GRIK1: variants seen among roughly 807,000 people sequenced by gnomAD.
GRIK1 encodes glutamate receptor ionotropic, kainate 1.
Under a neutral mutation model 105.7 loss-of-function variants are expected in GRIK1, and 69 were observed. The ratio of observed to expected loss-of-function variants is 0.65; its 90% CI spans 0.54 to 0.80. The LOEUF is 0.80. Among genes scored for constraint, GRIK1 ranks in the 30% least tolerant of loss-of-function variants. The pLI, the probability that GRIK1 is intolerant of heterozygous loss-of-function variation, is 0.00. For synonymous variants in GRIK1, 438 were observed against 431.3 expected, an observed-to-expected ratio of 1.02 and a Z score of -0.19; for missense variants, 1,109 against 1,167.3, an observed-to-expected ratio of 0.95 and a Z score of 0.73.
At chr21:29,707,643 T>A (rs946335843) in intron 1 of GRIK1, among the ~76,000 whole-genome samples, 7 of 151,668 alleles carry the variant, frequency 4.6e-5, no homozygotes, top group Non-Finnish European at 7.4e-5. Context: ...CTACAGGCGT[T>A]CGCCACCACA....
At chr21:29,588,125 C>T (rs1226738287) in intron 11 of GRIK1, among the ~76,000 whole-genome samples, 4 of 151,676 alleles carry the variant, frequency 2.6e-5, no homozygotes, top group Admixed American at 6.6e-5. Flanking sequence ...CAGGCGCCCA[C>T]CACCACGCCT....
intron 1 of GRIK1, among the ~76,000 whole-genome samples, chr21:29,930,444 C>T (rs2071528159): frequency 6.6e-6 from 1 of 152,114 alleles, no homozygotes; most frequent in Admixed American, 6.5e-5. Flanking sequence ...TTGATTTTTA[C>T]CATCCTTTCC....
chr21:29,610,918 C>A (rs1393194658), intron 7 of GRIK1, among the ~76,000 whole-genome samples: 1 of 152,154 alleles, frequency 6.6e-6, no homozygotes, highest in East Asian at 1.9e-4. Context: ...GAATTTGCTA[C>A]CCATATCCAG....
At chr21:29,810,415 A>G (rs1405853026) in intron 1 of GRIK1, among the ~76,000 whole-genome samples, 1 of 10,342 alleles carries the variant, frequency 9.7e-5, no homozygotes, top group Non-Finnish European at 1.7e-4. Flanking sequence ...TGTTGGAAAA[A>G]TGGTGCCGAT....
intron 14 of GRIK1, among the ~76,000 whole-genome samples, chr21:29,573,642 G>T (rs2090810454): frequency 6.6e-6 from 1 of 152,250 alleles, no homozygotes; most frequent in African/African-American, 2.4e-5. Context: ...TTGAGGTCAG[G>T]AGTTTGAGAC....
rs557402949 is a variant in GRIK1 at position 29,801,614 on chromosome 21, G to A, written c.119-107551C>T. On this transcript the variant is annotated intron_variant, in intron 1 of 17. Coordinates refer to ENST00000327783, the MANE Select transcript of GRIK1 (RefSeq NM_001330994.2). ...ATTCAGCATGTTTTACAAGAAGACA[G>A]CATGAAGATATAGGGCTGTGAAGTT... Among the ~76,000 whole-genome samples, 7 of 152,248 alleles carry A rather than the reference G, an allele frequency of 4.6e-5. No homozygotes were observed. In the South Asian group the frequency reaches 8.3e-4, roughly 18 times the overall value.
intron 2 of GRIK1, among the ~76,000 whole-genome samples, chr21:29,691,384 T>C (rs924600083): frequency 1.3e-5 from 2 of 152,246 alleles, no homozygotes; most frequent in African/African-American, 4.8e-5. Flanking sequence ...AATAATATTA[T>C]AGCACTTACC....
In GRIK1 at chr21:29,588,968, T is replaced by A. The variant is rs2061289795; in HGVS notation, c.1440A>T (p.Leu480=). Residue 480 remains leucine, a synonymous_variant, in exon 11 of 18, where the codon CTA becomes CTT. Coordinates refer to ENST00000327783, the MANE Select transcript of GRIK1 (RefSeq NM_001330994.2). ...TGTTTGACAATTCTTTCAACAGGTC[T>A]AGGCAATATCCTTCAAATCTGTCAT... ...YGNDRFEGYC[L]DLLKELSNIL... is the part of the protein sequence containing the mutation. 1 of 1,602,178 alleles carries A rather than the reference T, an allele frequency of 6.2e-7. No individual in the cohort carries two copies. The highest frequency in any genetic ancestry group is 1.1e-5 in the South Asian group (1 of 90,830).
intron 1 of GRIK1, among the ~76,000 whole-genome samples, chr21:29,709,430 G>A (rs1358002720): frequency 6.6e-6 from 1 of 151,610 alleles, no homozygotes; most frequent in Non-Finnish European, 1.5e-5. Flanking sequence ...ACAGGTGCCC[G>A]CCACCATGCC....
intron 1 of GRIK1, among the ~76,000 whole-genome samples, chr21:29,891,014 C>T (rs2069877292): frequency 6.6e-6 from 1 of 152,068 alleles, no homozygotes; most frequent in African/African-American, 2.4e-5. Context: ...TTAAACTGAG[C>T]CACACAAAAT....
chr21:29,828,001 CTGTCTCTCTCTG>C (rs66823224), intron 1 of GRIK1, among the ~76,000 whole-genome samples: 13 of 147,656 alleles, frequency 8.8e-5, no homozygotes, highest in South Asian at 2.1e-4. Flanking sequence ...CTCTCTCTCT[CTGTCTCTCTCTG>C]TGTGTGTGTG....
intron 6 of GRIK1, among the ~76,000 whole-genome samples, chr21:29,649,355 C>T (rs940691101): frequency 1.3e-5 from 2 of 152,134 alleles, no homozygotes; most frequent in African/African-American, 4.8e-5. Flanking sequence ...GTGAGCTACC[C>T]TCTTCTGCTC....
At chr21:29,905,572 A>G (rs2070583809) in intron 1 of GRIK1, among the ~76,000 whole-genome samples, 1 of 147,552 alleles carries the variant, frequency 6.8e-6, no homozygotes, top group East Asian at 2.0e-4. Flanking sequence ...CAACCTCCCT[A>G]GTAGCAGGGA....
intron 1 of GRIK1, among the ~76,000 whole-genome samples, chr21:29,695,482 A>T (rs914884172): frequency 6.6e-6 from 1 of 151,080 alleles, no homozygotes; most frequent in Admixed American, 6.6e-5. Flanking sequence ...CTATCTATAT[A>T]TATATATTTT....
intron 1 of GRIK1, among the ~76,000 whole-genome samples, chr21:29,776,934 T>G (rs2065960842): frequency 6.6e-6 from 1 of 152,184 alleles, no homozygotes; most frequent in Non-Finnish European, 1.5e-5. Flanking sequence ...AAACTCTGTC[T>G]ACCGAGGATG....
intron 3 of GRIK1, among the ~76,000 whole-genome samples, chr21:29,683,987 G>A (rs1190760301): frequency 6.6e-6 from 1 of 152,114 alleles, no homozygotes; most frequent in African/African-American, 2.4e-5. Flanking sequence ...TTACTCAAAC[G>A]TTATTTTCTA....
chr21:29,553,161 G>A, intron 16 of GRIK1: 2 of 945,402 alleles, frequency 2.1e-6, no homozygotes, highest in Non-Finnish European at 2.5e-6. Context: ...AAAAGAGGAG[G>A]GAACAAAGTT....
At chr21:29,646,247 G>A (rs2062615932) in intron 6 of GRIK1, among the ~76,000 whole-genome samples, 1 of 152,122 alleles carries the variant, frequency 6.6e-6, no homozygotes, top group Non-Finnish European at 1.5e-5. Context: ...ATGCCTATGT[G>A]ACCCATCATC....
chr21:29,655,098 G>C (rs559422733), intron 4 of GRIK1, among the ~76,000 whole-genome samples: 1 of 152,310 alleles, frequency 6.6e-6, no homozygotes, highest in East Asian at 1.9e-4. Flanking sequence ...GAAGTAATGG[G>C]TTTGATGATC....
Sources: allele counts gnomAD v4.1 joint callset (sites outside exome capture counted in the v4.1 genomes callset), GRCh38; gene constraint gnomAD v4.1.1; transcripts MANE v1.5; gene names NCBI Gene and HGNC (gene_info 2026-07-23, HGNC 2026-07-21).